Variants in RPA2 observed in about 807,000 individuals in gnomAD.
RPA2 encodes replication protein A 32 kDa subunit.
RPA2 carries 22 observed loss-of-function variants against 33.4 expected under a neutral mutation model. The ratio of observed to expected loss-of-function variants is 0.66; its 90% CI spans 0.47 to 0.94. The LOEUF (loss-of-function observed/expected upper bound fraction) is 0.94, where lower values mean the gene tolerates loss of function less well. Ranked by LOEUF, RPA2 falls within the 40% of genes least tolerant of loss-of-function variation. The pLI is 0.00. For synonymous variants in RPA2, 109 were observed against 114.9 expected, an observed-to-expected ratio of 0.95 and a Z score of 0.33; for missense variants, 279 against 329.9, an observed-to-expected ratio of 0.85 and a Z score of 1.19.
In RPA2 at chr1:27,897,644, T is replaced by G; in HGVS notation, c.397A>C (p.Arg133=). The change falls in exon 5 of 9, where the codon AGA becomes CGA. Residue 133 remains arginine, a synonymous_variant. Coordinates refer to ENST00000373912, the MANE Select transcript of RPA2 (RefSeq NM_002946.5). The part of the protein sequence containing the change: ...ETYVKVAGHL[R]SFQNKKSLVA... ...TATTCTGACTTTACCTGAAAAGATC[T>G]CAGGTGGCCTGCCACTTTCACATAT... The G allele has an allele frequency of 6.2e-7, 1 of 1,602,474 alleles. No homozygotes were observed. The highest frequency in any genetic ancestry group is 8.5e-7 in the Non-Finnish European group (1 of 1,174,596).
chr1:27,898,600 G>A (rs1482955147), intron 4 of RPA2, among the ~76,000 whole-genome samples: 3 of 150,422 alleles, frequency 2.0e-5, no homozygotes, highest in Admixed American at 6.6e-5. Context: ...GACTGGAGTG[G>A]AGCGGCATGA....
chr1:27,904,536 A>G (rs769294124), intron 4 of RPA2, among the ~76,000 whole-genome samples: 1 of 152,192 alleles, frequency 6.6e-6, no homozygotes, highest in African/African-American at 2.4e-5. Context: ...GTACTCCAAC[A>G]ATAACTGCTG....
intron 4 of RPA2, among the ~76,000 whole-genome samples, chr1:27,904,527 T>A (rs1370401299): frequency 6.6e-6 from 1 of 152,192 alleles, no homozygotes. Flanking sequence ...TCAGAATTGG[T>A]ACTCCAACAA....
intron 2 of RPA2, among the ~76,000 whole-genome samples, chr1:27,913,786 T>C (rs1328806172): frequency 6.6e-6 from 1 of 151,950 alleles, no homozygotes; most frequent in Non-Finnish European, 1.5e-5. Context: ...AAAAACCAAG[T>C]TGAGGGCGTT....
chr1:27,907,417 A>C (rs532485060), intron 2 of RPA2, 135 bp from the exon 3 acceptor site: 1 of 770,752 alleles, frequency 1.3e-6, no homozygotes, highest in East Asian at 2.7e-5. Flanking sequence ...CTTGCTTCAG[A>C]GAGATGGAAA....
chr1:27,908,213 T>C (rs2090054886), intron 2 of RPA2, among the ~76,000 whole-genome samples: 1 of 151,958 alleles, frequency 6.6e-6, no homozygotes, highest in Admixed American at 6.6e-5. Flanking sequence ...AGCCTCAAAC[T>C]CATGGGCTCA....
At chr1:27,913,566 C>A (rs1043222095) in intron 2 of RPA2, among the ~76,000 whole-genome samples, 8 of 140,742 alleles carry the variant, frequency 5.7e-5, no homozygotes, top group Admixed American at 4.4e-4. Context: ...CCAGCCTGGG[C>A]AACAGAGTGA....
intron 1 of RPA2, 34 bp from the exon 2 acceptor site, chr1:27,914,203 C>G: frequency 6.2e-6 from 10 of 1,612,702 alleles, no homozygotes; most frequent in Non-Finnish European, 8.5e-6. Flanking sequence ...GCCTGTGCCA[C>G]GTCCCACGCC....
intron 2 of RPA2, among the ~76,000 whole-genome samples, chr1:27,911,223 A>G (rs1018543258): frequency 4.0e-5 from 6 of 151,872 alleles, no homozygotes; most frequent in Admixed American, 3.3e-4. Context: ...AAAAAAAAAT[A>G]AAAATAAAAA....
intron 4 of RPA2, among the ~76,000 whole-genome samples, chr1:27,905,856 T>C (rs926063234): frequency 1.4e-5 from 2 of 141,460 alleles, no homozygotes; most frequent in Non-Finnish European, 3.1e-5. Context: ...CTTGATCTCC[T>C]GACCTCGTGA....
intron 6 of RPA2, among the ~76,000 whole-genome samples, chr1:27,895,092 C>G (rs2089873025): frequency 6.6e-6 from 1 of 152,166 alleles, no homozygotes; most frequent in Admixed American, 6.6e-5. Context: ...CTCCATCTGC[C>G]TCTCAAACTG....
chr1:27,910,825 C>T (rs115788255), intron 2 of RPA2, among the ~76,000 whole-genome samples: 6,089 of 152,128 alleles, frequency 0.04, 424 homozygotes, highest in African/African-American at 0.14. Context: ...TGCACCACTG[C>T]ACTCCAGCGG....
At chr1:27,905,203 T>C (rs1391861131) in intron 4 of RPA2, among the ~76,000 whole-genome samples, 1 of 152,228 alleles carries the variant, frequency 6.6e-6, no homozygotes, top group Non-Finnish European at 1.5e-5. Context: ...TTTGTGGCAA[T>C]ACACGCTTTT....
chr1:27,907,853 A>AT (rs1160507954), intron 2 of RPA2, among the ~76,000 whole-genome samples: 1 of 151,754 alleles, frequency 6.6e-6, no homozygotes, highest in African/African-American at 2.4e-5. Context: ...ATCTTTTTAA[A>AT]TTTTTTTTCT....
At chr1:27,897,572 C>T (rs2089908586) in intron 5 of RPA2, 61 bp downstream of exon 5, 5 of 1,245,168 alleles carry the variant, frequency 4.0e-6, no homozygotes, top group Non-Finnish European at 5.7e-6. Context: ...AAAGCCATGA[C>T]ATGAATCTAG....
chr1:27,895,897 C>A (rs2089885346), intron 6 of RPA2, among the ~76,000 whole-genome samples: 1 of 152,102 alleles, frequency 6.6e-6, no homozygotes, highest in South Asian at 2.1e-4. Context: ...CAGACACTGG[C>A]CTTGCTGGTT....
At chr1:27,907,149 T>C in intron 3 of RPA2, 32 bp downstream of exon 3, 1 of 1,595,642 alleles carries the variant, frequency 6.3e-7, no homozygotes, top group Non-Finnish European at 8.6e-7. Context: ...TTATTATGAG[T>C]AAGTGATTCT....
intron 4 of RPA2, among the ~76,000 whole-genome samples, chr1:27,900,369 C>T (rs1279572614): frequency 6.6e-6 from 1 of 152,140 alleles, no homozygotes; most frequent in East Asian, 1.9e-4. Flanking sequence ...GCCTCAGTCT[C>T]CCAAAGTGCT....
At chr1:27,893,163 T>C (rs2089845627) in intron 8 of RPA2, among the ~76,000 whole-genome samples, 2 of 152,194 alleles carry the variant, frequency 1.3e-5, no homozygotes, top group African/African-American at 4.8e-5. Context: ...AACTTTTTGC[T>C]CAGAATTATT....
Sources: gnomAD v4.1 joint callset for allele counts (sites outside exome capture counted in the v4.1 genomes callset) on GRCh38, gnomAD v4.1.1 for gene constraint, MANE v1.5 for transcripts, NCBI Gene and HGNC (gene_info 2026-07-23, HGNC 2026-07-21) for gene names.